Variants in PPP6R3 observed in about 807,000 individuals in gnomAD.
PPP6R3 encodes protein phosphatase 6 regulatory subunit 3, also known as serine/threonine-protein phosphatase 6 regulatory subunit 3.
A neutral mutation model predicts 110.7 loss-of-function variants in PPP6R3; 38 were observed. The ratio of observed to expected loss-of-function variants is 0.34; its 90% CI spans 0.26 to 0.45. The LOEUF is 0.45. Ranked by LOEUF, PPP6R3 falls within the 20% of genes least tolerant of loss-of-function variation. PPP6R3 has a pLI of 1.00. For synonymous variants in PPP6R3, 369 were observed against 373.5 expected (o/e 0.99, Z 0.14); for missense variants, 870 against 1,062.4 (o/e 0.82, Z 2.52).
chr11:68,498,095 G>A (rs1158261269), intron 1 of PPP6R3, among the ~76,000 whole-genome samples: 2 of 152,046 alleles, frequency 1.3e-5, no homozygotes. Flanking sequence ...ATGACTTTGT[G>A]CTCAGTATAA....
chr11:68,512,737 G>A (rs764715137), intron 1 of PPP6R3, among the ~76,000 whole-genome samples: 14 of 152,178 alleles, frequency 9.2e-5, no homozygotes, highest in African/African-American at 2.9e-4. Flanking sequence ...GTCTGTGAGA[G>A]TGTTTTCAGA....
At chr11:68,494,517 T>G (rs1253771355) in intron 1 of PPP6R3, among the ~76,000 whole-genome samples, 1 of 152,050 alleles carries the variant, frequency 6.6e-6, no homozygotes, top group African/African-American at 2.4e-5. Context: ...GTTTTAATTA[T>G]TTGTGATTTG....
chr11:68,546,887 TG>T (rs1404726152), intron 4 of PPP6R3, among the ~76,000 whole-genome samples: 1 of 150,676 alleles, frequency 6.6e-6, no homozygotes, highest in Non-Finnish European at 1.5e-5. Context: ...TTGGGACACA[TG>T]TGACTTTTTT....
chr11:68,560,655 G>A (rs955214482), intron 8 of PPP6R3, among the ~76,000 whole-genome samples: 8 of 152,174 alleles, frequency 5.3e-5, no homozygotes, highest in Non-Finnish European at 1.0e-4. Context: ...ATACAGTAGA[G>A]GGAACTCTTT....
intron 18 of PPP6R3, among the ~76,000 whole-genome samples, chr11:68,593,018 A>G (rs1421338484): frequency 6.6e-6 from 1 of 152,190 alleles, no homozygotes; most frequent in Non-Finnish European, 1.5e-5. Flanking sequence ...AGCTTTTATT[A>G]TTTAACAACT....
At chr11:68,587,101 G>A (rs1475435357) in intron 15 of PPP6R3, 1 of 151,808 alleles carries the variant, frequency 6.6e-6, no homozygotes, top group East Asian at 1.9e-4. Flanking sequence ...GAACATACTT[G>A]CTGATTTCAC....
chr11:68,596,010 T>G, intron 18 of PPP6R3, 87 bp from the exon 19 acceptor site: 3 of 1,531,864 alleles, frequency 2.0e-6, no homozygotes, highest in Non-Finnish European at 2.7e-6. Flanking sequence ...CACAGGACCT[T>G]TTGTTGCTGG....
At chr11:68,590,795 T>G in intron 17 of PPP6R3, 81 bp downstream of exon 17, 1 of 1,405,474 alleles carries the variant, frequency 7.1e-7, no homozygotes, top group East Asian at 2.5e-5. Context: ...TGCCACATGC[T>G]GGGACCCCTG....
chr11:68,477,584 G>T (rs187664543), intron 1 of PPP6R3, among the ~76,000 whole-genome samples: 3 of 151,416 alleles, frequency 2.0e-5, no homozygotes, highest in Admixed American at 1.3e-4. Flanking sequence ...AAATTAGGTT[G>T]GTATGGCAGC....
At chr11:68,535,535 G>A (rs2099265441) in intron 2 of PPP6R3, 1 of 152,078 alleles carries the variant, frequency 6.6e-6, no homozygotes, top group Non-Finnish European at 1.5e-5. Context: ...TAATTGATGT[G>A]AGCTTGTCGC....
At chr11:68,529,793 A>G (rs949723360) in intron 2 of PPP6R3, among the ~76,000 whole-genome samples, 1 of 152,212 alleles carries the variant, frequency 6.6e-6, no homozygotes, top group African/African-American at 2.4e-5. Context: ...AAAAAAGAGG[A>G]AAAACATGGC....
intron 2 of PPP6R3, among the ~76,000 whole-genome samples, chr11:68,521,609 CTGTAGG>C (rs1237375896): frequency 6.6e-6 from 1 of 152,128 alleles, no homozygotes; most frequent in African/African-American, 2.4e-5. Context: ...AGGAACAGCA[CTGTAGG>C]TATAGGGCAC....
chr11:68,544,240 T>G (rs2099336111), intron 3 of PPP6R3, among the ~76,000 whole-genome samples: 1 of 152,234 alleles, frequency 6.6e-6, no homozygotes, highest in Non-Finnish European at 1.5e-5. Context: ...ACATTTTTTT[T>G]GTATACTGCT....
chr11:68,565,482 C>T (rs1183332434), intron 9 of PPP6R3, among the ~76,000 whole-genome samples: 1 of 151,858 alleles, frequency 6.6e-6, no homozygotes, highest in East Asian at 1.9e-4. Flanking sequence ...TGGCATCCTT[C>T]ATGCCAGTCC....
At chr11:68,517,020 A>G (rs546158045) in intron 1 of PPP6R3, among the ~76,000 whole-genome samples, 2 of 151,914 alleles carry the variant, frequency 1.3e-5, no homozygotes, top group South Asian at 4.2e-4. Flanking sequence ...ATGCCGTTTA[A>G]CAGTGATGTT....
chr11:68,537,335 G>C (rs1393185205), intron 2 of PPP6R3, among the ~76,000 whole-genome samples: 5 of 152,258 alleles, frequency 3.3e-5, no homozygotes, highest in African/African-American at 1.2e-4. Flanking sequence ...TCACCCTTAA[G>C]AAAAGGGTGA....
At chr11:68,578,048 C>T (rs2099538800) in intron 14 of PPP6R3, among the ~76,000 whole-genome samples, 1 of 152,102 alleles carries the variant, frequency 6.6e-6, no homozygotes, top group Non-Finnish European at 1.5e-5. Context: ...TCTTAAATAC[C>T]ACTTCCGTTT....
At chr11:68,502,854 A>G (rs377709574) in intron 1 of PPP6R3, among the ~76,000 whole-genome samples, 6 of 152,342 alleles carry the variant, frequency 3.9e-5, no homozygotes, top group South Asian at 2.1e-4. Flanking sequence ...GGAAATGTCT[A>G]CTAGTCATTG....
intron 3 of PPP6R3, 35 bp downstream of exon 3, chr11:68,537,926 TA>T: frequency 2.7e-6 from 4 of 1,460,980 alleles, no homozygotes; most frequent in Non-Finnish European, 3.8e-6. Flanking sequence ...AGAGTGGGAC[TA>T]AAGTGAAGTG....
Sources: gnomAD v4.1 joint callset for allele counts (sites outside exome capture counted in the v4.1 genomes callset) on GRCh38, gnomAD v4.1.1 for gene constraint, MANE v1.5 for transcripts, NCBI Gene and HGNC (gene_info 2026-07-23, HGNC 2026-07-21) for gene names.